Variants in DSCAM observed in about 807,000 individuals in gnomAD.
DSCAM encodes DS cell adhesion molecule.
DSCAM carries 47 observed loss-of-function variants against 217.7 expected under a neutral mutation model. That is an observed-to-expected ratio of 0.22 (90% CI 0.17 to 0.28). The LOEUF (loss-of-function observed/expected upper bound fraction) is 0.28. DSCAM is among the 10% of genes least tolerant of loss of function. The pLI is 1.00. For synonymous variants in DSCAM, 1,056 were observed against 1,015.3 expected, an observed-to-expected ratio of 1.04 and a Z score of -0.76; for missense variants, 2,080 against 2,618.3, an observed-to-expected ratio of 0.79 and a Z score of 4.49.
At chr21:40,168,040 G>A (rs945357802) in intron 15 of DSCAM, among the ~76,000 whole-genome samples, 16 of 152,130 alleles carry the variant, frequency 1.1e-4, no homozygotes, top group South Asian at 2.1e-4. Flanking sequence ...CAGCCTGGGC[G>A]ACAGAGTGAG....
chr21:40,315,350 G>A (rs2123501409), intron 8 of DSCAM, among the ~76,000 whole-genome samples: 1 of 151,588 alleles, frequency 6.6e-6, no homozygotes, highest in Non-Finnish European at 1.5e-5. Context: ...GTTGCAGTGA[G>A]CCAAGGTCAT....
intron 1 of DSCAM, among the ~76,000 whole-genome samples, chr21:40,803,462 C>G (rs1192551070): frequency 6.6e-6 from 1 of 152,112 alleles, no homozygotes; most frequent in Non-Finnish European, 1.5e-5. Context: ...ACAAAATGTT[C>G]ATGAAAGTGA....
chr21:40,471,279 A>C lies in DSCAM; in HGVS notation c.509-102034T>G, dbSNP rs553800950. Among the ~76,000 whole-genome samples the C allele has an allele frequency of 2.0e-5, 3 of 152,310 alleles. No individual in the cohort carries two copies. In the East Asian group the frequency reaches 5.8e-4, roughly 29 times the overall value. On this transcript the variant is annotated intron_variant, in intron 3 of 32. Coordinates refer to ENST00000400454, the MANE Select transcript of DSCAM (RefSeq NM_001389.5). Reference sequence around the variant, plus strand: ...AAATATGCTTATGTCAACTCTAAGAAACCACATTAGGGAAGGAAGCAGGGG... The same window carrying C: ...AAATATGCTTATGTCAACTCTAAGACACCACATTAGGGAAGGAAGCAGGGG...
At chr21:40,831,818 C>T (rs867604989) in intron 1 of DSCAM, among the ~76,000 whole-genome samples, 1 of 152,150 alleles carries the variant, frequency 6.6e-6, no homozygotes, top group African/African-American at 2.4e-5. Context: ...CTTAAGTAAG[C>T]GAAATGGCTG....
intron 1 of DSCAM, among the ~76,000 whole-genome samples, chr21:40,719,559 G>A (rs986846987): frequency 2.6e-5 from 4 of 152,128 alleles, no homozygotes; most frequent in South Asian, 2.1e-4. Context: ...ACCAAATATC[G>A]ATCAATAATA....
chr21:40,789,630 A>G, intron 1 of DSCAM, among the ~76,000 whole-genome samples: 1 of 145,138 alleles, frequency 6.9e-6, no homozygotes, highest in East Asian at 2.0e-4. Flanking sequence ...ATGTTGGCTC[A>G]CTGCAAGCTC....
At chr21:40,326,406 T>C (rs779367364) in intron 8 of DSCAM, among the ~76,000 whole-genome samples, 3 of 152,174 alleles carry the variant, frequency 2.0e-5, no homozygotes, top group Non-Finnish European at 4.4e-5. Context: ...TGAGACAAAA[T>C]AGACACATCA....
At chr21:40,487,028 G>C (rs2076034048) in intron 3 of DSCAM, among the ~76,000 whole-genome samples, 1 of 152,106 alleles carries the variant, frequency 6.6e-6, no homozygotes, top group African/African-American at 2.4e-5. Context: ...AGGTAAGCAG[G>C]TGGTAACAAC....
chr21:40,514,648 G>C (rs865830800), intron 3 of DSCAM, among the ~76,000 whole-genome samples: 5 of 152,128 alleles, frequency 3.3e-5, no homozygotes, highest in Non-Finnish European at 7.4e-5. Context: ...CTTTATGAAA[G>C]ATTTTTTTTC....
chr21:40,319,431 G>A (rs1001740821), intron 8 of DSCAM, among the ~76,000 whole-genome samples: 2 of 152,084 alleles, frequency 1.3e-5, no homozygotes, highest in African/African-American at 2.4e-5. Flanking sequence ...TAATGTTCGT[G>A]TGTGCATGTG....
At chr21:40,741,736 G>A (rs2091126217) in intron 1 of DSCAM, among the ~76,000 whole-genome samples, 1 of 152,202 alleles carries the variant, frequency 6.6e-6, no homozygotes, top group Non-Finnish European at 1.5e-5. Context: ...AAATAAATCA[G>A]AATGTCTGTC....
chr21:40,152,388 T>G (rs1351412455), intron 16 of DSCAM, among the ~76,000 whole-genome samples: 1 of 152,214 alleles, frequency 6.6e-6, no homozygotes, highest in Non-Finnish European at 1.5e-5. Flanking sequence ...ACAAAGATTG[T>G]TTTTCCCATG....
chr21:40,720,329 T>C (rs2090887920), intron 1 of DSCAM, among the ~76,000 whole-genome samples: 1 of 152,178 alleles, frequency 6.6e-6, no homozygotes, highest in Admixed American at 6.5e-5. Flanking sequence ...GACTCCAAAA[T>C]GGTTTTTTCT....
chr21:40,057,233 A>G (rs80247592), intron 28 of DSCAM, among the ~76,000 whole-genome samples: 5,446 of 152,278 alleles, frequency 0.036, 164 homozygotes, highest in African/African-American at 0.078. Flanking sequence ...TTTTGTCCTG[A>G]CTTTTCACAT....
intron 3 of DSCAM, among the ~76,000 whole-genome samples, chr21:40,544,144 TAA>T (rs1486852468): frequency 1.3e-5 from 2 of 152,226 alleles, no homozygotes; most frequent in East Asian, 3.9e-4. Flanking sequence ...AGAAGCTTCA[TAA>T]TACAGGCAGG....
At chr21:40,536,831 A>C (rs939721015) in intron 3 of DSCAM, among the ~76,000 whole-genome samples, 3 of 152,212 alleles carry the variant, frequency 2.0e-5, no homozygotes, top group African/African-American at 7.2e-5. Flanking sequence ...AAATTTTGGC[A>C]ATGATTTCTG....
chr21:40,227,309 G>C (rs1340137484), intron 11 of DSCAM, among the ~76,000 whole-genome samples: 2 of 152,184 alleles, frequency 1.3e-5, no homozygotes, highest in African/African-American at 4.8e-5. Flanking sequence ...CATCCTGTGA[G>C]AATCACAGCA....
At chr21:40,223,753 T>C (rs568556037) in intron 11 of DSCAM, among the ~76,000 whole-genome samples, 1 of 152,242 alleles carries the variant, frequency 6.6e-6, no homozygotes, top group Non-Finnish European at 1.5e-5. Context: ...TCTCATTCAC[T>C]TATGAAGGTT....
chr21:40,550,088 G>A (rs147490349), intron 3 of DSCAM, among the ~76,000 whole-genome samples: 42 of 152,182 alleles, frequency 2.8e-4, no homozygotes, highest in African/African-American at 8.7e-4. Flanking sequence ...GGAAATGTCC[G>A]ATATCACCCA....
Sources: gnomAD v4.1 joint callset for allele counts (sites outside exome capture counted in the v4.1 genomes callset) on GRCh38, gnomAD v4.1.1 for gene constraint, MANE v1.5 for transcripts, NCBI Gene and HGNC (gene_info 2026-07-23, HGNC 2026-07-21) for gene names.